The following PNPLA8 variants were observed in gnomAD, a reference collection of about 807,000 sequenced individuals.
PNPLA8 encodes patatin like domain 8, phospholipase A2, also known as calcium-independent phospholipase A2-gamma.
A neutral mutation model predicts 76.9 loss-of-function variants in PNPLA8; 39 were observed. The observed-to-expected ratio is 0.51, with a 90% CI of 0.39 to 0.66. PNPLA8 has a LOEUF of 0.66. Ranked by LOEUF, PNPLA8 falls within the 30% of genes least tolerant of loss-of-function variation. The pLI is 0.00. For synonymous variants in PNPLA8, 301 were observed against 307.9 expected (o/e 0.98, Z 0.24); for missense variants, 887 against 918.0 (o/e 0.97, Z 0.44).
chr7:108,493,418 T>C (rs944047852), intron 7 of PNPLA8, among the ~76,000 whole-genome samples: 3 of 152,074 alleles, frequency 2.0e-5, no homozygotes, highest in South Asian at 4.1e-4. Context: ...TTTATATATA[T>C]ATATTTTTTG....
intron 4 of PNPLA8, chr7:108,510,308 G>C (rs1218444230): frequency 4.8e-5 from 77 of 1,589,310 alleles, no homozygotes; most frequent in Non-Finnish European, 6.4e-5. Flanking sequence ...GAATTTCTCA[G>C]AGCTGAAGAT....
intron 10 of PNPLA8, among the ~76,000 whole-genome samples, chr7:108,474,648 A>C: frequency 6.6e-6 from 1 of 152,232 alleles, no homozygotes; most frequent in East Asian, 1.9e-4. Context: ...CGCTGTGGAT[A>C]CAGGTATCTA....
At chr7:108,482,304 C>G (rs1421723876) in intron 9 of PNPLA8, among the ~76,000 whole-genome samples, 2 of 152,230 alleles carry the variant, frequency 1.3e-5, no homozygotes, top group South Asian at 4.1e-4. Context: ...AACCTCATCT[C>G]TACTAAAAAT....
Position 108,515,383 on chromosome 7 carries a change from G to C in PNPLA8, c.109C>G (p.His37Asp), listed in dbSNP as rs757897941. ...CTGATGTGGCTTATCCTCCAGTAAT[G>C]CTTAGGTGAGAACAAGAAATACAGT... is the stretch of plus-strand genomic sequence containing the variant. ...KQLYFLFSPKHYWRISHISLQ... is the reference protein window; with the variant it reads ...KQLYFLFSPKDYWRISHISLQ... The change falls in exon 3 of 11, where the codon CAT becomes GAT. Residue 37 changes from histidine (H) to aspartate (D), a missense_variant. His to Asp is a moderately conservative substitution (Grantham distance 81). Coordinates refer to ENST00000257694, the MANE Select transcript of PNPLA8 (RefSeq NM_001256007.3). The C allele has an allele frequency of 1.2e-6, 2 of 1,612,882 alleles. No individual in the cohort carries two copies. Among genetic ancestry groups the C allele is most frequent in the African/African-American group, 2.7e-5 (2 of 74,876 alleles).
In PNPLA8 at chr7:108,509,503, C is replaced by A. The variant is rs1238347156; in HGVS notation, c.1206+4641G>T. On this transcript the variant is annotated intron_variant, in intron 4 of 10. Coordinates refer to ENST00000257694, the MANE Select transcript of PNPLA8 (RefSeq NM_001256007.3). Reference sequence around the variant, plus strand: ...TACCATCTCACACCAGTTAGAATGGCGATCATTAAAAAGTCAGGAAACAAC... The same window carrying A: ...TACCATCTCACACCAGTTAGAATGGAGATCATTAAAAAGTCAGGAAACAAC... Among the ~76,000 whole-genome samples, 6 of 105,292 alleles carry A rather than the reference C, an allele frequency of 5.7e-5. No individual in the cohort carries two copies. The South Asian group carries it at 9.3e-4, about 16-fold the overall frequency. 69.1% of individuals were successfully genotyped at this position (105,292 alleles called of 152,430 possible). A position where few individuals can be genotyped will look rare whatever the true frequency, so the allele number is the denominator to read the frequency against.
Position 108,496,654 on chromosome 7 carries a change from T to C in PNPLA8, c.1555A>G (p.Ile519Val), listed in dbSNP as rs747971764. The C allele has an allele frequency of 4.3e-6, 7 of 1,612,584 alleles. No homozygotes were observed. Among genetic ancestry groups the C allele is most frequent in the Non-Finnish European group, 5.9e-6 (7 of 1,179,224 alleles). ...CAACTCATTTTTACTGTTCCAACAA[T>C]GACATTTTGTGAAAATACATCTGAT... ...LGSDVFSQNV[I>V]VGTVKMSWSH... is the part of the protein sequence containing the mutation. Residue 519 changes from isoleucine (I) to valine (V), a missense_variant, in exon 7 of 11, where the codon ATT (isoleucine) becomes GTT (valine). By Grantham distance (29) the Ile-to-Val change is conservative (BLOSUM62 3). Coordinates refer to ENST00000257694, the MANE Select transcript of PNPLA8 (RefSeq NM_001256007.3).
Position 108,502,486 on chromosome 7 carries a change from C to G in PNPLA8, c.1358+5G>C, listed in dbSNP as rs772431019. 7.5e-7 allele frequency: 1 copy of G among 1,330,628 alleles called. No individual in the cohort carries two copies. Among genetic ancestry groups the G allele is most frequent in the Non-Finnish European group, 1.1e-6 (1 of 936,130 alleles). The allele number at this position is 1,330,628 out of a possible 1,614,324, so 82.4% of individuals were successfully genotyped here. A position where few individuals can be genotyped will look rare whatever the true frequency, so the allele number is the denominator to read the frequency against. ...AAAAAAAAAGAATCATGTTCCTAGC[C>G]TTACCTTGTTCCTCCACCATCAATT... is the stretch of plus-strand genomic sequence containing the variant. On this transcript the variant is annotated splice_donor_5th_base_variant and intron_variant, in intron 5 of 10. Coordinates refer to ENST00000257694, the MANE Select transcript of PNPLA8 (RefSeq NM_001256007.3).
In PNPLA8 at chr7:108,514,981, G is replaced by A. The variant is rs769320790; in HGVS notation, c.511C>T (p.Pro171Ser). Residue 171 changes from proline (P) to serine (S), a missense_variant, in exon 3 of 11, where the codon CCA (proline) becomes TCA (serine). Pro to Ser is a moderately conservative substitution (Grantham distance 74). Transcript: ENST00000257694. ...TCTATAATGTGACTTTTCTCTTCTG[G>A]AAAAGGACTCTTTTCTGCTGATTTG... ...SDKSAEKSPF[P>S]EEKSHIIDKE... The A allele has an allele frequency of 1.2e-6, 2 of 1,608,614 alleles. No homozygotes were observed. Among genetic ancestry groups the A allele is most frequent in the Non-Finnish European group, 1.7e-6 (2 of 1,179,608 alleles).
chr7:108,512,017 G>A (rs1389010497), intron 4 of PNPLA8, among the ~76,000 whole-genome samples: 1 of 152,110 alleles, frequency 6.6e-6, no homozygotes, highest in Admixed American at 6.5e-5. Flanking sequence ...AGAAACCCGT[G>A]GCAACTTCTG....
intron 10 of PNPLA8, among the ~76,000 whole-genome samples, chr7:108,475,624 A>G (rs1199522197): frequency 1.3e-5 from 2 of 152,122 alleles, no homozygotes; most frequent in African/African-American, 4.8e-5. Flanking sequence ...CACTGTTCAG[A>G]TCTTGCATGT....
intron 7 of PNPLA8, 44 bp from the exon 8 acceptor site, chr7:108,491,511 A>C (rs1177515530): frequency 8.5e-7 from 1 of 1,179,188 alleles, no homozygotes; most frequent in Middle Eastern, 1.9e-4. Flanking sequence ...AAATGACTTT[A>C]TCTCCTAACA....
chr7:108,524,194 T>G (rs971147598), intron 1 of PNPLA8, among the ~76,000 whole-genome samples: 2 of 152,238 alleles, frequency 1.3e-5, no homozygotes, highest in Non-Finnish European at 2.9e-5. Context: ...ATGACTATTT[T>G]GGGATCAGGC....
At chr7:108,476,237 T>C (rs1433865688) in intron 10 of PNPLA8, among the ~76,000 whole-genome samples, 1 of 152,238 alleles carries the variant, frequency 6.6e-6, no homozygotes, top group Non-Finnish European at 1.5e-5. Flanking sequence ...TCATTTGTCT[T>C]ATTAACTGGA....
chr7:108,514,408 G>C lies in PNPLA8; in HGVS notation c.1056+28C>G, dbSNP rs745631869. The C allele has an allele frequency of 5.1e-6, 8 of 1,573,642 alleles. No homozygotes were observed. In the South Asian group the frequency reaches 9.3e-5, roughly 18 times the overall value. On this transcript the variant is annotated intron_variant, in intron 3 of 10. Coordinates refer to ENST00000257694, the MANE Select transcript of PNPLA8 (RefSeq NM_001256007.3). The stretch of plus-strand genomic sequence containing the variant: ...CTTATAAATTTGACAAAAAGTAATA[G>C]AACCGAAAAGCACACTGAACAACTT...
In PNPLA8 at chr7:108,479,035, G is replaced by A. The variant is rs1267270589; in HGVS notation, c.2074+149C>T. On this transcript the variant is annotated intron_variant, in intron 10 of 10. Transcript: ENST00000257694. ...ACCTAACAAGAAACAAGTGAGAAAG[G>A]AAAACAACAAAATGTTTCCTCCCAT... 3 of 578,404 alleles carry A rather than the reference G, an allele frequency of 5.2e-6. No homozygotes were observed. The East Asian group carries it at 8.3e-5, about 16-fold the overall frequency. 35.8% of individuals were successfully genotyped at this position (578,404 alleles called of 1,614,324 possible).
upstream of PNPLA8, among the ~76,000 whole-genome samples, chr7:108,526,484 T>G (rs189257856): frequency 6.6e-6 from 1 of 152,342 alleles, no homozygotes; most frequent in South Asian, 2.1e-4. Context: ...CGGAGCAGTG[T>G]CCTGGTTTGC....
rs181183094 is a variant in PNPLA8 at position 108,491,919 on chromosome 7, G to A, written c.1626-452C>T. ...TGCACGGGCTAGTTAGAGTAACCAG[G>A]TGAGGACAATGAGACTTTAAGCTTG... On this transcript the variant is annotated intron_variant, in intron 7 of 10. Transcript: ENST00000257694. Among the ~76,000 whole-genome samples the A allele has an allele frequency of 6.8e-4, 104 of 152,336 alleles. 1 individual carries two copies. The highest frequency in any genetic ancestry group is 6.7e-3 in the Admixed American group (102 of 15,306).
intron 6 of PNPLA8, 145 bp downstream of exon 6, chr7:108,497,338 A>C (rs766929591): frequency 1.3e-5 from 7 of 535,732 alleles, no homozygotes; most frequent in African/African-American, 2.0e-5. Flanking sequence ...AACCATGAAC[A>C]AAAGACAAAA....
chr7:108,484,012 T>C (rs6947492), intron 9 of PNPLA8, among the ~76,000 whole-genome samples: 45,509 of 152,038 alleles, frequency 0.3, 7,382 homozygotes, highest in African/African-American at 0.39. Context: ...GTATTTTAGA[T>C]GAAACACATT....
Sources: allele counts gnomAD v4.1 joint callset (sites outside exome capture counted in the v4.1 genomes callset), GRCh38; gene constraint gnomAD v4.1.1; transcripts MANE v1.5; gene names NCBI Gene and HGNC (gene_info 2026-07-23, HGNC 2026-07-21).